The following WDR25 variants were observed in gnomAD, a reference collection of about 807,000 sequenced individuals.
WDR25 encodes the protein WD repeat-containing protein 25.
In WDR25, 35 loss-of-function variants were observed where a neutral mutation model predicts 47.7. The ratio of observed to expected loss-of-function variants is 0.73; its 90% confidence interval spans 0.56 to 0.97. WDR25 has a LOEUF of 0.97. Among genes scored for constraint, WDR25 ranks in the 50% least tolerant of loss-of-function variants. The pLI is 0.00. For synonymous variants in WDR25, 248 were observed against 278.9 expected (o/e 0.89, Z 1.10); for missense variants, 634 against 704.7 (o/e 0.90, Z 1.14).
intron 4 of WDR25, among the ~76,000 whole-genome samples, chr14:100,485,126 C>T (rs910302565): frequency 6.6e-6 from 1 of 152,158 alleles, no homozygotes; most frequent in Non-Finnish European, 1.5e-5. Context: ...GGCCTTTGCA[C>T]CTGCTGCTCC....
rs193018992 is a variant in WDR25 at position 100,509,714 on chromosome 14, C to T, written c.1102-16156C>T. Among the ~76,000 whole-genome samples, 165 of 152,014 alleles carry T rather than the reference C, an allele frequency of 1.1e-3. 1 individual carries two copies. In the East Asian group the frequency reaches 0.015, roughly 14 times the overall value. On this transcript the variant is annotated intron_variant, in intron 4 of 6. Transcript: ENST00000402312. Reference sequence around the variant, plus strand: ...CCATTACCTTCAAAAGTTTTTGTGCCCCTGTGTTTACTTCTAGAAGTTGTA... The same window carrying T: ...CCATTACCTTCAAAAGTTTTTGTGCTCCTGTGTTTACTTCTAGAAGTTGTA...
At position 100,425,028 on chromosome 14, in the gene WDR25, A is replaced by G. The variant is rs1204055600; in HGVS notation, c.823-42993A>G. ...CTCTTCATCCACACCTTCCTGGCCC[A>G]GGCTACCATCATATCTTGCCAAGAC... On this transcript the variant is annotated intron_variant, in intron 2 of 6. Coordinates refer to ENST00000402312, the MANE Select transcript of WDR25 (RefSeq NM_001161476.3). The surrounding 1 kb of genome is among the most constrained non-coding windows in gnomAD (Gnocchi z 4.8). Among the ~76,000 whole-genome samples, 2 of 152,152 alleles carry G rather than the reference A, an allele frequency of 1.3e-5. No homozygotes were observed. Among genetic ancestry groups the G allele is most frequent in the African/African-American group, 4.8e-5 (2 of 41,432 alleles).
At chr14:100,415,545 G>A (rs548466241) in intron 2 of WDR25, among the ~76,000 whole-genome samples, 57 of 152,332 alleles carry the variant, frequency 3.7e-4, no homozygotes, top group African/African-American at 1.3e-3. Flanking sequence ...ATCTGGAACA[G>A]ATTTATTTTT....
intron 4 of WDR25, among the ~76,000 whole-genome samples, chr14:100,484,463 GGTGTGTGTGTGTGTGT>G (rs5810998): frequency 6.7e-6 from 1 of 150,146 alleles, no homozygotes; most frequent in Non-Finnish European, 1.5e-5. Flanking sequence ...ACAGAGAATT[GGTGTGTGTGTGTGTGT>G]GTGTGCGTGT....
intron 2 of WDR25, among the ~76,000 whole-genome samples, chr14:100,442,932 C>G (rs1354445764): frequency 6.6e-6 from 1 of 152,240 alleles, no homozygotes; most frequent in Non-Finnish European, 1.5e-5. Context: ...TCATGCCTAA[C>G]AAGAAGAAAA....
intron 3 of WDR25, among the ~76,000 whole-genome samples, chr14:100,479,146 T>G (rs1244382240): frequency 2.6e-5 from 4 of 152,254 alleles, no homozygotes; most frequent in Non-Finnish European, 5.9e-5. Flanking sequence ...GGTCCCTGCC[T>G]GCAGTCTCCA....
At chr14:100,423,637 A>G (rs1214625350) in intron 2 of WDR25, among the ~76,000 whole-genome samples, 1 of 152,248 alleles carries the variant, frequency 6.6e-6, no homozygotes, top group Admixed American at 6.5e-5. Context: ...AATTTCCTCG[A>G]AAACGGAACT....
rs1214092505 is a variant in WDR25 at position 100,484,063 on chromosome 14, A to G, written c.1040A>G (p.Asn347Ser). The G allele has an allele frequency of 6.2e-7, 1 of 1,614,006 alleles. No homozygotes were observed. Among genetic ancestry groups the G allele is most frequent in the Admixed American group, 1.7e-5 (1 of 59,990 alleles). The change falls in exon 4 of 7, where the codon AAC becomes AGC. Residue 347 changes from asparagine to serine, a missense_variant. Transcript: ENST00000402312. ...TTLKFHPKDHNIFLCGGFSSE... is the reference protein window; with the variant it reads ...TTLKFHPKDHSIFLCGGFSSE... ...TTGAAATTCCATCCAAAAGACCACA[A>G]CATCTTTTTATGTGGAGGCTTCAGC... is the stretch of plus-strand genomic sequence containing the variant.
At chr14:100,401,305 A>G (rs1048545932) in intron 2 of WDR25, among the ~76,000 whole-genome samples, 8 of 151,968 alleles carry the variant, frequency 5.3e-5, no homozygotes, top group Non-Finnish European at 1.0e-4. Flanking sequence ...GTCCACATCT[A>G]TCCCCCTTGC....
chr14:100,466,799 C>A (rs945865013), intron 2 of WDR25, among the ~76,000 whole-genome samples: 1 of 152,232 alleles, frequency 6.6e-6, no homozygotes, highest in Non-Finnish European at 1.5e-5. Flanking sequence ...GAGCACTGCC[C>A]TCATCCTGCA....
chr14:100,405,188 T>A (rs1897498194), intron 2 of WDR25, among the ~76,000 whole-genome samples: 1 of 148,008 alleles, frequency 6.8e-6, no homozygotes, highest in South Asian at 2.2e-4. Context: ...TGAGATGGAG[T>A]TTTGCTCTTG....
Position 100,429,463 on chromosome 14 carries a change from C to T in WDR25, c.823-38558C>T, listed in dbSNP as rs143840341. Among the ~76,000 whole-genome samples, 391 of 152,316 alleles carry T rather than the reference C, an allele frequency of 2.6e-3. 1 individual carries two copies. The highest frequency in any genetic ancestry group is 4.0e-3 in the Non-Finnish European group (275 of 68,032). ...TCTTATATCGGAGCCCACTGTTCAT[C>T]TGCCCTGAGGCCTTTAATCACCAAG... On this transcript the variant is annotated intron_variant, in intron 2 of 6. Transcript: ENST00000402312.
chr14:100,459,949 CAT>C (rs573728004), intron 2 of WDR25, among the ~76,000 whole-genome samples: 5,642 of 118,924 alleles, frequency 0.047, 353 homozygotes, highest in Non-Finnish European at 0.074. Flanking sequence ...TACACATACA[CAT>C]ACACACACAT....
At chr14:100,435,359 G>A (rs1252216450) in intron 2 of WDR25, among the ~76,000 whole-genome samples, 1 of 152,236 alleles carries the variant, frequency 6.6e-6, no homozygotes, top group Non-Finnish European at 1.5e-5. Flanking sequence ...GAAAGGAGGA[G>A]CTATTCCCCT....
chr14:100,445,760 C>A (rs547492092), intron 2 of WDR25, among the ~76,000 whole-genome samples: 1 of 152,108 alleles, frequency 6.6e-6, no homozygotes, highest in Non-Finnish European at 1.5e-5. Context: ...GGGCACAGAA[C>A]GTGTTTGGAA....
At chr14:100,473,195 G>A (rs182532171) in intron 3 of WDR25, among the ~76,000 whole-genome samples, 70 of 152,334 alleles carry the variant, frequency 4.6e-4, no homozygotes, top group African/African-American at 1.5e-3. Context: ...GTTCCAGCAC[G>A]CTGCCTGGCC....
At chr14:100,474,082 G>A (rs1015236606) in intron 3 of WDR25, among the ~76,000 whole-genome samples, 7 of 152,162 alleles carry the variant, frequency 4.6e-5, no homozygotes, top group Admixed American at 6.5e-5. Flanking sequence ...CCTGGCTGCC[G>A]CCCTTTATGT....
At chr14:100,496,828 C>CTTTTTTTTTTTTTTTTTTTTTTTTTTTTT (rs1226765543) in intron 4 of WDR25, among the ~76,000 whole-genome samples, 1 of 73,422 alleles carries the variant, frequency 1.4e-5, no homozygotes, top group African/African-American at 5.0e-5. Flanking sequence ...TTCTTTAATT[C>CTTTTTTTTTTTTTTTTTTTTTTTTTTTTT]TTTTTTTTTT....
At chr14:100,465,153 C>CT (rs139392674) in intron 2 of WDR25, among the ~76,000 whole-genome samples, 5,331 of 149,550 alleles carry the variant, frequency 0.036, 314 homozygotes, top group African/African-American at 0.12. Flanking sequence ...ATGAGATCTG[C>CT]TTTTTTTTTT....
Sources: allele counts gnomAD v4.1 joint callset (sites outside exome capture counted in the v4.1 genomes callset), GRCh38; gene constraint gnomAD v4.1.1; non-coding constraint Gnocchi (gnomAD v3.1); transcripts MANE v1.5; gene names NCBI Gene and HGNC (gene_info 2026-07-23, HGNC 2026-07-21).